The following RPS10 variants were observed in gnomAD, a reference collection of about 807,000 sequenced individuals.
RPS10 encodes the protein small ribosomal subunit protein eS10.
RPS10 carries 2 observed loss-of-function variants against 22.6 expected under a neutral mutation model. The observed-to-expected ratio is 0.09, with a 90% confidence interval of 0.04 to 0.28. The LOEUF is 0.28. Among genes scored for constraint, RPS10 ranks in the 10% least tolerant of loss-of-function variants. The pLI is 1.00. For synonymous variants in RPS10, 70 were observed against 75.9 expected (o/e 0.92, Z 0.40); for missense variants, 137 against 222.2 (o/e 0.62, Z 2.44).
In RPS10 at chr6:34,421,786, G is replaced by C. The variant is rs774624551; in HGVS notation, c.344C>G (p.Ala115Gly). Residue 115 changes from alanine to glycine, a missense_variant, in exon 4 of 6, where the codon GCG becomes GGG. Ala to Gly is a moderately conservative substitution (Grantham distance 60, BLOSUM62 0). Coordinates refer to ENST00000648437, the MANE Select transcript of RPS10 (RefSeq NM_001014.5). Reference sequence around the variant, plus strand: ...GTCAGCTTCCCCTCTTGTGAGTCTCGCAGGTCGCTCACCCTCCAGACCTAT... The same window carrying C: ...GTCAGCTTCCCCTCTTGTGAGTCTCCCAGGTCGCTCACCCTCCAGACCTAT... ...RPKGLEGERP[A>G]RLTRGEADRD... 1 of 1,613,800 alleles carries C rather than the reference G, an allele frequency of 6.2e-7. No homozygotes were observed. The highest frequency in any genetic ancestry group is 8.5e-7 in the Non-Finnish European group (1 of 1,179,836).
chr6:34,418,859 T>C (rs1765663267), intron 4 of RPS10, among the ~76,000 whole-genome samples: 2 of 152,168 alleles, frequency 1.3e-5, no homozygotes, highest in Non-Finnish European at 2.9e-5. Flanking sequence ...AATGGAGACG[T>C]GTGCAAAATT....
Position 34,421,666 on chromosome 6 carries a change from G to A in RPS10, c.400+64C>T, listed in dbSNP as rs1310298587. The A allele has an allele frequency of 3.1e-6, 5 of 1,590,956 alleles. No homozygotes were observed. In the African/African-American group the frequency reaches 4.0e-5, roughly 13 times the overall value. On this transcript the variant is annotated intron_variant, in intron 4 of 5. Transcript: ENST00000648437. The stretch of plus-strand genomic sequence containing the variant: ...AAGGGCTGAGCCCCACCCAGCCAGA[G>A]CCAGCTGTGAGAATCCAGACATTTC...
In RPS10 at chr6:34,418,474, T is replaced by C. The variant is rs138756023; in HGVS notation, c.401-50A>G. On this transcript the variant is annotated intron_variant, in intron 4 of 5. Transcript: ENST00000648437. ...AATCATCATATGATCTAATCTACTATAGAACAAGGGAAGACAACTCACTGA... is the reference window on the plus strand; with the variant it reads ...AATCATCATATGATCTAATCTACTACAGAACAAGGGAAGACAACTCACTGA... The C allele has an allele frequency of 4.2e-4, 674 of 1,613,492 alleles. 10 individuals are homozygous for C. In the East Asian group the frequency reaches 0.015, roughly 35 times the overall value.
chr6:34,419,386 C>T (rs572046206), intron 4 of RPS10, among the ~76,000 whole-genome samples: 11 of 152,214 alleles, frequency 7.2e-5, no homozygotes, highest in Non-Finnish European at 1.5e-4. Flanking sequence ...TGGTCTAGAA[C>T]TCCTGAGCTC....
intron 3 of RPS10, among the ~76,000 whole-genome samples, chr6:34,423,543 T>A (rs1765840117): frequency 6.6e-6 from 1 of 152,184 alleles, no homozygotes; most frequent in South Asian, 2.1e-4. Flanking sequence ...CACTGGTATT[T>A]TTTTCTCCCA....
chr6:34,424,873 A>G (rs965749463), intron 2 of RPS10, 33 bp from the exon 3 acceptor site: 1 of 1,613,578 alleles, frequency 6.2e-7, no homozygotes, highest in Non-Finnish European at 8.5e-7. Flanking sequence ...TAAGGCGTTA[A>G]GTAGAAGCTT....
intron 4 of RPS10, among the ~76,000 whole-genome samples, chr6:34,420,050 C>CT (rs1170017759): frequency 6.6e-6 from 1 of 152,128 alleles, no homozygotes; most frequent in Non-Finnish European, 1.5e-5. Context: ...TCCCAACTCA[C>CT]TTTTACAAAT....
Position 34,425,815 on chromosome 6 carries a change from C to G in RPS10, c.-1+217G>C, listed in dbSNP as rs531774952. On this transcript the variant is annotated intron_variant, in intron 1 of 5. Coordinates refer to ENST00000648437, the MANE Select transcript of RPS10 (RefSeq NM_001014.5). Reference sequence around the variant, plus strand: ...TCTCACCTGGCAAGTCTCCGCCACTCACTGGCTTCATCCTCCCCCTCTCCC... The same window carrying G: ...TCTCACCTGGCAAGTCTCCGCCACTGACTGGCTTCATCCTCCCCCTCTCCC... 1.9e-5 allele frequency: 3 copies of G among 160,074 alleles called. No individual in the cohort carries two copies. In the South Asian group the frequency reaches 5.1e-4, roughly 27 times the overall value. 9.9% of individuals were successfully genotyped at this position (160,074 alleles called of 1,614,324 possible).
chr6:34,417,598 T>G lies in RPS10; in HGVS notation c.457-51A>C, dbSNP rs759744444. 36 of 1,595,344 alleles carry G rather than the reference T, an allele frequency of 2.3e-5. 1 individual carries two copies. Among genetic ancestry groups the G allele is most frequent in the Non-Finnish European group, 8.6e-6 (10 of 1,163,862 alleles). Reference sequence around the variant, plus strand: ...GCATGAGCGGCACTCTGGTTTGATCTTTGGAGGTTTTGCTAACTTTCAGGC... The same window carrying G: ...GCATGAGCGGCACTCTGGTTTGATCGTTGGAGGTTTTGCTAACTTTCAGGC... On this transcript the variant is annotated intron_variant, in intron 5 of 5. Coordinates refer to ENST00000648437, the MANE Select transcript of RPS10 (RefSeq NM_001014.5).
chr6:34,418,757 T>C (rs1052126632), intron 4 of RPS10, among the ~76,000 whole-genome samples: 1 of 151,974 alleles, frequency 6.6e-6, no homozygotes, highest in South Asian at 2.1e-4. Context: ...AGAACTAACA[T>C]GTAAAGGGAA....
chr6:34,419,734 G>A (rs748895705), intron 4 of RPS10, among the ~76,000 whole-genome samples: 3 of 151,612 alleles, frequency 2.0e-5, no homozygotes, highest in African/African-American at 4.8e-5. Flanking sequence ...ATACCACCAC[G>A]CTTGGCTAAT....
intron 1 of RPS10, 194 bp from the exon 2 acceptor site, chr6:34,425,415 A>C (rs925777436): frequency 1.5e-6 from 1 of 664,566 alleles, no homozygotes; most frequent in African/African-American, 1.8e-5. Flanking sequence ...CAGGTGGAAA[A>C]GTTGACAGTA....
In RPS10 at chr6:34,417,547, T is replaced by C; in HGVS notation, c.457A>G (p.Arg153Gly). 1 of 1,613,556 alleles carries C rather than the reference T, an allele frequency of 6.2e-7. No individual in the cohort carries two copies. The highest frequency in any genetic ancestry group is 8.5e-7 in the Non-Finnish European group (1 of 1,179,990). ...GAGSATEFQF[R>G]GGFGRGRGQP... The stretch of plus-strand genomic sequence containing the variant: ...CCACGTCCACGACCAAATCCGCCTC[T>C]CTGTAAGAGAAAGCACATCACATCA... Residue 153 changes from arginine to glycine, a missense_variant and splice_region_variant, in exon 6 of 6, where the codon AGA becomes GGA. Transcript: ENST00000648437.
chr6:34,418,297 C>T (rs1765645035), intron 5 of RPS10, 72 bp downstream of exon 5: 32 of 1,611,748 alleles, frequency 2.0e-5, no homozygotes, highest in Non-Finnish European at 2.7e-5. Context: ...GACATCCCCA[C>T]AACTTGCAGA....
chr6:34,422,019 GAA>G lies in RPS10; in HGVS notation c.323-214_323-213del, dbSNP rs34411335. Among the ~76,000 whole-genome samples, 2,143 of 129,230 alleles carry G rather than the reference GAA, an allele frequency of 0.017. 37 individuals are homozygous for G. Among genetic ancestry groups the G allele is most frequent in the African/African-American group, 0.046 (1,735 of 37,582 alleles). The allele number at this position is 129,230 out of a possible 152,430, so 84.8% of individuals were successfully genotyped here. A position where few individuals can be genotyped will look rare whatever the true frequency, so the allele number is the denominator to read the frequency against. On this transcript the variant is annotated intron_variant, in intron 3 of 5. Coordinates refer to ENST00000648437, the MANE Select transcript of RPS10 (RefSeq NM_001014.5). ...TATTGACAATCTTGGCTGCAAATCT[GAA>G]AAAAAAAAAAAAGGCTTCCATTTTG...
chr6:34,418,473 A>G (rs1309766672), intron 4 of RPS10, 49 bp from the exon 5 acceptor site: 1 of 1,613,648 alleles, frequency 6.2e-7, no homozygotes, highest in Non-Finnish European at 8.5e-7. Flanking sequence ...CTAATCTACT[A>G]TAGAACAAGG....
intron 5 of RPS10, chr6:34,417,834 T>C (rs1192469383): frequency 2.8e-6 from 2 of 718,502 alleles, no homozygotes; most frequent in Non-Finnish European, 5.2e-6. Flanking sequence ...TTGGACCGTT[T>C]CTACTGTACA....
intron 5 of RPS10, 151 bp from the exon 6 acceptor site, chr6:34,417,698 T>C (rs1765625968): frequency 1.3e-6 from 1 of 763,808 alleles, no homozygotes; most frequent in Non-Finnish European, 2.3e-6. Flanking sequence ...ATCCCAGCAC[T>C]GCCCCTTACT....
chr6:34,425,462 AC>A (rs1046162813), intron 1 of RPS10: 9 of 506,478 alleles, frequency 1.8e-5, no homozygotes, highest in African/African-American at 1.7e-4. Context: ...TTCGCGCCAA[AC>A]TTCCTTAAGT....
Sources: gnomAD v4.1 joint callset for allele counts (sites outside exome capture counted in the v4.1 genomes callset) on GRCh38, gnomAD v4.1.1 for gene constraint, MANE v1.5 for transcripts, NCBI Gene and HGNC (gene_info 2026-07-23, HGNC 2026-07-21) for gene names.